Variants in DNAJC3 observed in about 807,000 individuals in gnomAD.
The protein encoded by DNAJC3 is DnaJ heat shock protein family (Hsp40) member C3, also known as dnaJ homolog subfamily C member 3.
A neutral mutation model predicts 68.6 loss-of-function variants in DNAJC3; 38 were observed. That is an observed-to-expected ratio of 0.55 (90% confidence interval 0.43 to 0.73). The LOEUF is 0.73. Ranked by LOEUF, DNAJC3 falls within the 30% of genes least tolerant of loss-of-function variation. The pLI is 0.00. For synonymous variants in DNAJC3, 203 were observed against 204.0 expected (o/e 1.00, Z 0.04); for missense variants, 526 against 591.9 (o/e 0.89, Z 1.16).
intron 4 of DNAJC3, among the ~76,000 whole-genome samples, chr13:95,740,364 G>C (rs2139657583): frequency 6.6e-6 from 1 of 152,252 alleles, no homozygotes; most frequent in Non-Finnish European, 1.5e-5. Flanking sequence ...CGGCTGCTTT[G>C]TTTACCTAAG....
At chr13:95,752,790 T>C (rs1181256379) in intron 4 of DNAJC3, among the ~76,000 whole-genome samples, 7 of 152,190 alleles carry the variant, frequency 4.6e-5, no homozygotes, top group African/African-American at 1.7e-4. Context: ...AGGTCACACT[T>C]TGAGAATCAC....
rs191050817 is a variant in DNAJC3, at chr13:95,698,908, T to A, written c.83-10319T>A. Among the ~76,000 whole-genome samples, 543 of 152,326 alleles carry A rather than the reference T, an allele frequency of 3.6e-3. 4 individuals carry two copies. The highest frequency in any genetic ancestry group is 0.012 in the African/African-American group (517 of 41,572). On this transcript the variant is annotated intron_variant, in intron 1 of 11. Coordinates refer to ENST00000602402, the MANE Select transcript of DNAJC3 (RefSeq NM_006260.5). ...CATGAAACCTGACCCTGAAAGGTGT[T>A]GTTTGCTTTTATATCTGAAGGGATT...
chr13:95,686,253 G>A (rs897299260), intron 1 of DNAJC3, among the ~76,000 whole-genome samples: 8 of 151,710 alleles, frequency 5.3e-5, no homozygotes, highest in South Asian at 2.1e-4. Flanking sequence ...GAGCCAGTGC[G>A]CCTGGCCCTT....
At chr13:95,790,239 C>T (rs1167584272) in intron 11 of DNAJC3, among the ~76,000 whole-genome samples, 2 of 152,206 alleles carry the variant, frequency 1.3e-5, no homozygotes, top group African/African-American at 4.8e-5. Flanking sequence ...TCTAATGACT[C>T]TGAGGACATG....
intron 5 of DNAJC3, among the ~76,000 whole-genome samples, chr13:95,758,890 T>C (rs1336727708): frequency 1.3e-5 from 2 of 152,202 alleles, no homozygotes; most frequent in Non-Finnish European, 2.9e-5. Context: ...ACAGAAGATA[T>C]TGTGATATGG....
intron 4 of DNAJC3, among the ~76,000 whole-genome samples, chr13:95,743,883 T>C (rs1263213917): frequency 1.3e-5 from 2 of 152,208 alleles, no homozygotes; most frequent in Non-Finnish European, 2.9e-5. Context: ...TAATAGTAGT[T>C]ATCCTTAATA....
rs17878982 is a variant in DNAJC3, at chr13:95,780,874, G to C, written c.1076-5065G>C. On this transcript the variant is annotated intron_variant, in intron 9 of 11. Transcript: ENST00000602402. ...ACAGTGCTAACTATGGAAATGCTGA[G>C]AAGTGGTTAAACTGTGGCTATATTG... 5.9e-3 allele frequency among the ~76,000 whole-genome samples: 904 copies of C among 152,318 alleles called. 4 individuals are homozygous for C. Among genetic ancestry groups the C allele is most frequent in the Non-Finnish European group, 9.4e-3 (639 of 68,036 alleles).
At chr13:95,773,094 G>A (rs1385651882) in intron 9 of DNAJC3, among the ~76,000 whole-genome samples, 8 of 148,940 alleles carry the variant, frequency 5.4e-5, no homozygotes, top group Admixed American at 5.3e-4. Context: ...TCTTGGTCTT[G>A]GAAGTTGGTT....
chr13:95,713,689 G>C (rs965487769), intron 2 of DNAJC3, among the ~76,000 whole-genome samples: 13 of 152,186 alleles, frequency 8.5e-5, no homozygotes, highest in Admixed American at 7.9e-4. Context: ...TTGTGGACGA[G>C]ATTTAAGACA....
rs1332395620 is a variant in DNAJC3, at chr13:95,691,928, G to A, written c.82+14591G>A. On this transcript the variant is annotated intron_variant, in intron 1 of 11. Transcript: ENST00000602402. ...AAACCAGTCAGGCGTGGCGGCGCGC[G>A]CCTGCAATCGCAGGCACTGGGCAGG... 4.6e-5 allele frequency among the ~76,000 whole-genome samples: 7 copies of A among 152,332 alleles called. No homozygotes were observed. The South Asian group carries it at 1.0e-3, about 23-fold the overall frequency.
At chr13:95,685,966 C>CTT (rs374118316) in intron 1 of DNAJC3, among the ~76,000 whole-genome samples, 3 of 143,716 alleles carry the variant, frequency 2.1e-5, no homozygotes, top group Non-Finnish European at 3.1e-5. Context: ...CCTTTGCCCA[C>CTT]TTTTTTTTTT....
rs547138978 is a variant in DNAJC3 at position 95,749,121 on chromosome 13, T to A, written c.394-8523T>A. ...AGCCATCTTATAACAATATTTTTAATTTATGCTTATGGAAAGAACTGTTTG... is the reference window on the plus strand; with the variant it reads ...AGCCATCTTATAACAATATTTTTAAATTATGCTTATGGAAAGAACTGTTTG... On this transcript the variant is annotated intron_variant, in intron 4 of 11. Coordinates refer to ENST00000602402, the MANE Select transcript of DNAJC3 (RefSeq NM_006260.5). Among the ~76,000 whole-genome samples, 7 of 152,376 alleles carry A rather than the reference T, an allele frequency of 4.6e-5. No individual in the cohort carries two copies. In the South Asian group the frequency reaches 1.2e-3, roughly 27 times the overall value.
intron 4 of DNAJC3, chr13:95,743,071 C>CA (rs1169266570): frequency 1.4e-5 from 5 of 356,778 alleles, no homozygotes; most frequent in Non-Finnish European, 2.7e-5. Flanking sequence ...GCACCTTATT[C>CA]AAAAATCAGT....
rs1883623326 is a variant in DNAJC3 at position 95,787,047 on chromosome 13, T to C, written c.1249T>C (p.Leu417=). ...KQEIIKAYRK[L]ALQWHPDNFQ... is the part of the protein sequence containing the mutation. ...AGAAATTATTAAAGCATACCGAAAATTAGCACTGCAGTGGCACCCAGATAA... is the reference window on the plus strand; with the variant it reads ...AGAAATTATTAAAGCATACCGAAAACTAGCACTGCAGTGGCACCCAGATAA... Residue 417 remains leucine, a synonymous_variant, in exon 11 of 12, where the codon TTA becomes CTA. Transcript: ENST00000602402. 5.6e-6 allele frequency: 9 copies of C among 1,611,976 alleles called. No homozygotes were observed. Among genetic ancestry groups the C allele is most frequent in the Non-Finnish European group, 7.6e-6 (9 of 1,179,522 alleles).
chr13:95,714,328 T>C (rs1411612638), intron 2 of DNAJC3, among the ~76,000 whole-genome samples: 6 of 150,878 alleles, frequency 4.0e-5, no homozygotes, highest in African/African-American at 1.5e-4. Flanking sequence ...TCAGGTGCAG[T>C]GAGCTATGAT....
chr13:95,703,900 C>T (rs543133957), intron 1 of DNAJC3, among the ~76,000 whole-genome samples: 8 of 151,492 alleles, frequency 5.3e-5, no homozygotes, highest in African/African-American at 1.9e-4. Flanking sequence ...CTTATTTGCT[C>T]TGTTTTTTGG....
At chr13:95,685,603 A>G (rs1880053485) in intron 1 of DNAJC3, among the ~76,000 whole-genome samples, 1 of 151,970 alleles carries the variant, frequency 6.6e-6, no homozygotes, top group South Asian at 2.1e-4. Context: ...GGGCGGAATG[A>G]TATGGTTTGG....
At chr13:95,733,920 T>G (rs909171598) in intron 4 of DNAJC3, among the ~76,000 whole-genome samples, 5 of 152,168 alleles carry the variant, frequency 3.3e-5, no homozygotes, top group South Asian at 4.1e-4. Context: ...CAGTCAGTCC[T>G]TTAAGGGGAA....
At chr13:95,701,095 C>T (rs1398135782) in intron 1 of DNAJC3, among the ~76,000 whole-genome samples, 1 of 152,072 alleles carries the variant, frequency 6.6e-6, no homozygotes, top group Non-Finnish European at 1.5e-5. Context: ...CCTACTTTTC[C>T]TTCAGGTTTC....
Sources: gnomAD v4.1 joint callset for allele counts (sites outside exome capture counted in the v4.1 genomes callset) on GRCh38, gnomAD v4.1.1 for gene constraint, MANE v1.5 for transcripts, NCBI Gene and HGNC (gene_info 2026-07-23, HGNC 2026-07-21) for gene names.